Variants in CSMD1 observed in about 807,000 individuals in gnomAD.
CSMD1 encodes the protein CUB and Sushi multiple domains 1, also known as CUB and sushi domain-containing protein 1.
In CSMD1, 213 loss-of-function variants were observed where a neutral mutation model predicts 417.5. The ratio of observed to expected loss-of-function variants is 0.51; its 90% CI spans 0.46 to 0.57. The LOEUF is 0.57. Among genes scored for constraint, CSMD1 ranks in the 20% least tolerant of loss-of-function variants. The pLI is 0.00. For missense variants in CSMD1, 6,923 were observed against 4,529.7 expected, an observed-to-expected ratio of 1.53 and a Z score of -15.17; for synonymous variants, 2,862 against 1,736.8, an observed-to-expected ratio of 1.65 and a Z score of -16.11.
chr8:4,765,962 A>G lies in CSMD1; in HGVS notation c.86-128404T>C, dbSNP rs371166292. 5.3e-5 allele frequency among the ~76,000 whole-genome samples: 8 copies of G among 152,344 alleles called. No individual in the cohort carries two copies. The East Asian group carries it at 1.2e-3, about 22-fold the overall frequency. ...AGCTAATTCCACATAGTTTCCAAAC[A>G]TTTATGTAAAGATTAAAAAATGTAT... On this transcript the variant is annotated intron_variant, in intron 1 of 69. Transcript: ENST00000635120.
At chr8:3,011,934 G>T (rs183517148) in intron 52 of CSMD1, among the ~76,000 whole-genome samples, 1 of 152,286 alleles carries the variant, frequency 6.6e-6, no homozygotes, top group Admixed American at 6.5e-5. Context: ...AACTTCCTGG[G>T]TGGATTAGCA....
chr8:4,678,734 C>T (rs1289119449), intron 1 of CSMD1, among the ~76,000 whole-genome samples: 1 of 152,252 alleles, frequency 6.6e-6, no homozygotes, highest in South Asian at 2.1e-4. Context: ...AACACATGTG[C>T]TAATTTCAAA....
chr8:4,455,958 A>AAAAAAAAC (rs1799447160), intron 2 of CSMD1, among the ~76,000 whole-genome samples: 1 of 143,870 alleles, frequency 7.0e-6, no homozygotes, highest in Non-Finnish European at 1.5e-5. Flanking sequence ...AAAAAAAAAA[A>AAAAAAAAC]AAAAATGCAG....
chr8:4,761,912 A>AATCTATCTATCTATCTATCT (rs60693169), intron 1 of CSMD1, among the ~76,000 whole-genome samples: 7 of 101,318 alleles, frequency 6.9e-5, no homozygotes, highest in East Asian at 3.0e-4. Context: ...TCTATCTATC[A>AATCTATCTATCTATCTATCT]ATCTATCTAT....
intron 6 of CSMD1, among the ~76,000 whole-genome samples, chr8:3,739,439 G>C (rs1310113301): frequency 6.6e-6 from 1 of 152,140 alleles, no homozygotes; most frequent in Non-Finnish European, 1.5e-5. Flanking sequence ...ATAAATGTTT[G>C]AAGTGATGCA....
chr8:4,450,558 C>A (rs1227382365), intron 2 of CSMD1, among the ~76,000 whole-genome samples: 5 of 152,186 alleles, frequency 3.3e-5, no homozygotes, highest in Admixed American at 2.0e-4. Context: ...TCACTTGAAC[C>A]CGGGAGGCAG....
chr8:3,545,034 G>C (rs1798601606), intron 10 of CSMD1, among the ~76,000 whole-genome samples: 1 of 152,074 alleles, frequency 6.6e-6, no homozygotes, highest in Non-Finnish European at 1.5e-5. Context: ...ACAGTATAAA[G>C]TTAATTTCAA....
chr8:4,578,773 C>A (rs1391695687), intron 2 of CSMD1, among the ~76,000 whole-genome samples: 4 of 142,488 alleles, frequency 2.8e-5, no homozygotes, highest in Non-Finnish European at 6.0e-5. Flanking sequence ...GAAATCGTGC[C>A]ACTGCACTCT....
chr8:2,954,262 C>T lies in CSMD1; in HGVS notation c.10001G>A (p.Gly3334Glu). ...TGKSPVCKSKGVREVNETVTK... is the reference protein window; with the variant it reads ...TGKSPVCKSKEVREVNETVTK... ...AACTGTTTCATTAACTTCTCTCACTCCTTTACCTACAAGTAAAAAGACAAA... is the reference window on the plus strand; with the variant it reads ...AACTGTTTCATTAACTTCTCTCACTTCTTTACCTACAAGTAAAAAGACAAA... Residue 3334 changes from glycine (G) to glutamate (E), a missense_variant, in exon 65 of 70, where the codon GGA (glycine) becomes GAA (glutamate). Coordinates refer to ENST00000635120, the MANE Select transcript of CSMD1 (RefSeq NM_033225.6). 1 of 1,479,334 alleles carries T rather than the reference C, an allele frequency of 6.8e-7. No individual in the cohort carries two copies. Among genetic ancestry groups the T allele is most frequent in the Non-Finnish European group, 9.2e-7 (1 of 1,090,148 alleles). 91.6% of individuals were successfully genotyped at this position (1,479,334 alleles called of 1,614,324 possible). A position where few individuals can be genotyped will look rare whatever the true frequency, so the allele number is the denominator to read the frequency against.
At chr8:3,818,525 G>T (rs1359741611) in intron 5 of CSMD1, among the ~76,000 whole-genome samples, 1 of 152,110 alleles carries the variant, frequency 6.6e-6, no homozygotes, top group African/African-American at 2.4e-5. Flanking sequence ...TTAGACCAGG[G>T]TAGGCTTACC....
At chr8:4,352,104 A>C (rs1448313436) in intron 3 of CSMD1, among the ~76,000 whole-genome samples, 1 of 152,172 alleles carries the variant, frequency 6.6e-6, no homozygotes, top group African/African-American at 2.4e-5. Flanking sequence ...AATACTTTGT[A>C]AATTAGAGAA....
At chr8:3,186,934 G>A (rs1378911674) in intron 36 of CSMD1, among the ~76,000 whole-genome samples, 1 of 152,192 alleles carries the variant, frequency 6.6e-6, no homozygotes, top group East Asian at 1.9e-4. Flanking sequence ...TAGAGACAGG[G>A]TTTCGCCATG....
At chr8:4,337,110 G>C (rs1031989807) in intron 3 of CSMD1, among the ~76,000 whole-genome samples, 5 of 152,098 alleles carry the variant, frequency 3.3e-5, no homozygotes, top group Non-Finnish European at 7.4e-5. Flanking sequence ...CCACGTACAG[G>C]AGACCGAAGC....
chr8:4,160,960 G>C (rs1179611551), intron 3 of CSMD1, among the ~76,000 whole-genome samples: 3 of 152,146 alleles, frequency 2.0e-5, no homozygotes, highest in Admixed American at 6.6e-5. Context: ...GTATTTATCA[G>C]TTGATATAAA....
chr8:4,412,130 A>G (rs1796684071), intron 3 of CSMD1, among the ~76,000 whole-genome samples: 1 of 152,036 alleles, frequency 6.6e-6, no homozygotes, highest in Non-Finnish European at 1.5e-5. Flanking sequence ...GCCAGGGCAA[A>G]TGATTAGCTA....
intron 5 of CSMD1, among the ~76,000 whole-genome samples, chr8:3,926,053 T>TACACACACACACACACAAACACCACACAC (rs1563218050): frequency 1.1e-5 from 1 of 87,820 alleles, no homozygotes. Flanking sequence ...AAACACCATA[T>TACACACACACACACACAAACACCACACAC]ACACACACAC....
intron 3 of CSMD1, among the ~76,000 whole-genome samples, chr8:4,398,018 C>A (rs1288603023): frequency 6.6e-6 from 1 of 152,170 alleles, no homozygotes; most frequent in African/African-American, 2.4e-5. Context: ...GTCATACATA[C>A]TGGTATCAAT....
At chr8:4,709,936 A>G (rs1808184968) in intron 1 of CSMD1, among the ~76,000 whole-genome samples, 1 of 152,228 alleles carries the variant, frequency 6.6e-6, no homozygotes, top group Non-Finnish European at 1.5e-5. Flanking sequence ...ACCATAAGAA[A>G]AAACAGGGTC....
intron 5 of CSMD1, among the ~76,000 whole-genome samples, chr8:3,936,552 A>G (rs1245896330): frequency 6.6e-6 from 1 of 152,200 alleles, no homozygotes; most frequent in Non-Finnish European, 1.5e-5. Flanking sequence ...CAATGGAACA[A>G]CAAAGCCGGG....
Sources: gnomAD v4.1 joint callset for allele counts (sites outside exome capture counted in the v4.1 genomes callset) on GRCh38, gnomAD v4.1.1 for gene constraint, MANE v1.5 for transcripts, NCBI Gene and HGNC (gene_info 2026-07-23, HGNC 2026-07-21) for gene names.